DISC1: variants seen among roughly 807,000 people sequenced by gnomAD.
DISC1 encodes the protein disrupted in schizophrenia 1 protein.
DISC1 carries 57 observed loss-of-function variants against 84.5 expected under a neutral mutation model. That is an observed-to-expected ratio of 0.67 (90% confidence interval 0.55 to 0.84). The LOEUF is 0.84. Ranked by LOEUF, DISC1 falls within the 40% of genes least tolerant of loss-of-function variation. The pLI is 0.00. For missense variants in DISC1, 1,000 were observed against 1,057.8 expected (o/e 0.95, Z 0.76); for synonymous variants, 411 against 415.2 (o/e 0.99, Z 0.12).
intron 9 of DISC1, among the ~76,000 whole-genome samples, chr1:231,938,622 T>C (rs542679663): frequency 6.6e-6 from 1 of 152,330 alleles, no homozygotes; most frequent in South Asian, 2.1e-4. Flanking sequence ...CGAGTCCTTC[T>C]GTGTTGGACC....
intron 3 of DISC1, among the ~76,000 whole-genome samples, chr1:231,728,733 C>G (rs893613891): frequency 1.3e-5 from 2 of 152,164 alleles, no homozygotes; most frequent in Non-Finnish European, 2.9e-5. Flanking sequence ...AATTTTACTT[C>G]TAAAATCTGC....
intron 10 of DISC1, among the ~76,000 whole-genome samples, chr1:231,972,002 G>T (rs1229903722): frequency 6.6e-6 from 1 of 152,170 alleles, no homozygotes; most frequent in Non-Finnish European, 1.5e-5. Context: ...TCTGTAAATG[G>T]GAAAATAACG....
intron 9 of DISC1, among the ~76,000 whole-genome samples, chr1:231,834,823 C>T (rs1280144920): frequency 6.6e-6 from 1 of 152,132 alleles, no homozygotes; most frequent in Non-Finnish European, 1.5e-5. Context: ...AGGCAGGCGT[C>T]CCTGCATGGT....
At chr1:231,964,133 C>T (rs1018119021) in intron 10 of DISC1, among the ~76,000 whole-genome samples, 29 of 152,292 alleles carry the variant, frequency 1.9e-4, no homozygotes, top group African/African-American at 6.3e-4. Context: ...GGTCTCCTCC[C>T]TTAATAAGAT....
chr1:231,796,090 G>T (rs754414631), intron 7 of DISC1, among the ~76,000 whole-genome samples: 4 of 152,132 alleles, frequency 2.6e-5, no homozygotes, highest in Non-Finnish European at 5.9e-5. Context: ...CTTGGTTTGT[G>T]TACAGACAGA....
intron 9 of DISC1, chr1:231,854,931 G>T (rs748518465): frequency 3.1e-6 from 2 of 650,968 alleles, no homozygotes; most frequent in South Asian, 1.8e-5. Context: ...GACCAGACTG[G>T]TCTAAAACTC....
rs181435413 is a variant in DISC1, at chr1:231,876,049, C to T, written c.1981+57532C>T. 4.6e-5 allele frequency among the ~76,000 whole-genome samples: 7 copies of T among 152,244 alleles called. No individual in the cohort carries two copies. The East Asian group carries it at 7.7e-4, about 17-fold the overall frequency. ...CGAGAGCCCCAAAATACAGCAAGGA[C>T]ACTCTGAAGGACCCCCTCTGATATA... On this transcript the variant is annotated intron_variant, in intron 9 of 12. Transcript: ENST00000439617.
intron 1 of DISC1, among the ~76,000 whole-genome samples, chr1:231,693,324 G>C (rs1296332965): frequency 6.6e-6 from 1 of 152,258 alleles, no homozygotes; most frequent in Non-Finnish European, 1.5e-5. Flanking sequence ...ATGGTCTGCA[G>C]CAACAGATCA....
At chr1:231,695,741 A>C (rs1226977092) in intron 2 of DISC1, among the ~76,000 whole-genome samples, 1 of 152,238 alleles carries the variant, frequency 6.6e-6, no homozygotes, top group East Asian at 1.9e-4. Context: ...GGATATGTTC[A>C]TGTGGGTAGG....
At chr1:231,763,639 A>T (rs905811937) in intron 4 of DISC1, among the ~76,000 whole-genome samples, 3 of 152,202 alleles carry the variant, frequency 2.0e-5, no homozygotes, top group Non-Finnish European at 4.4e-5. Context: ...TCATTGCACC[A>T]TGGTTGGTTG....
At chr1:231,662,438 C>G (rs554056040) in intron 1 of DISC1, among the ~76,000 whole-genome samples, 5 of 152,302 alleles carry the variant, frequency 3.3e-5, no homozygotes, top group African/African-American at 1.2e-4. Flanking sequence ...TAATAGAACC[C>G]TTGTTGGCGT....
chr1:232,016,755 T>G (rs1668523875), intron 11 of DISC1, among the ~76,000 whole-genome samples: 1 of 152,250 alleles, frequency 6.6e-6, no homozygotes, highest in Non-Finnish European at 1.5e-5. Context: ...ATGCAGATAC[T>G]TGAAGACAAT....
intron 9 of DISC1, among the ~76,000 whole-genome samples, chr1:231,913,996 TCAA>T (rs1201824146): frequency 6.6e-6 from 1 of 152,234 alleles, no homozygotes; most frequent in African/African-American, 2.4e-5. Flanking sequence ...CCCAGTGGCT[TCAA>T]CAATTTGAGG....
At chr1:231,735,090 G>T (rs534831530) in intron 3 of DISC1, among the ~76,000 whole-genome samples, 2 of 152,290 alleles carry the variant, frequency 1.3e-5, no homozygotes, top group East Asian at 3.9e-4. Flanking sequence ...AGCTGGCTTT[G>T]TAAGTAGAGA....
chr1:231,809,147 C>A (rs2738870), intron 8 of DISC1, among the ~76,000 whole-genome samples: 132,900 of 152,192 alleles, frequency 0.87, 58,076 homozygotes, highest in Non-Finnish European at 0.88. Context: ...AGATGTCTCT[C>A]AGTTTTTATC....
chr1:232,024,525 G>A (rs552661579), intron 11 of DISC1, among the ~76,000 whole-genome samples: 2 of 151,950 alleles, frequency 1.3e-5, no homozygotes, highest in Non-Finnish European at 2.9e-5. Context: ...TTATTGTTGG[G>A]TATTCATTGT....
chr1:231,828,390 G>T (rs2082005899), intron 9 of DISC1, among the ~76,000 whole-genome samples: 1 of 152,188 alleles, frequency 6.6e-6, no homozygotes, highest in Non-Finnish European at 1.5e-5. Context: ...TGTTTTCAGA[G>T]ACTGAGTAAC....
intron 8 of DISC1, among the ~76,000 whole-genome samples, chr1:231,809,905 A>G (rs2080124959): frequency 6.6e-6 from 1 of 152,238 alleles, no homozygotes; most frequent in African/African-American, 2.4e-5. Context: ...TAAATTGACC[A>G]TGTCAATTGT....
At chr1:231,773,653 A>G (rs546309098) in intron 6 of DISC1, among the ~76,000 whole-genome samples, 41 of 152,152 alleles carry the variant, frequency 2.7e-4, no homozygotes, top group South Asian at 1.9e-3. Flanking sequence ...CAAAGTGCTG[A>G]GATTACAGGC....
Sources: gnomAD v4.1 joint callset for allele counts (sites outside exome capture counted in the v4.1 genomes callset) on GRCh38, gnomAD v4.1.1 for gene constraint, MANE v1.5 for transcripts, NCBI Gene and HGNC (gene_info 2026-07-23, HGNC 2026-07-21) for gene names.